EEF2: variants seen among roughly 807,000 people sequenced by gnomAD.
EEF2 encodes elongation factor 2.
Under a neutral mutation model 85.3 loss-of-function variants are expected in EEF2, and 21 were observed. The observed-to-expected ratio is 0.25, with a 90% confidence interval of 0.17 to 0.35. EEF2 has a LOEUF of 0.35. Ranked by LOEUF, EEF2 falls within the 10% of genes least tolerant of loss-of-function variation. The probability of loss-of-function intolerance (pLI) is 1.00; values close to 1 mark genes in which losing one functional copy is unlikely to be tolerated. For missense variants in EEF2, 825 were observed against 1,225.3 expected, an observed-to-expected ratio of 0.67 and a Z score of 4.88; for synonymous variants, 723 against 508.8, an observed-to-expected ratio of 1.42 and a Z score of -5.67.
rs36527 is a variant in EEF2, at chr19:3,977,488, A to G, written c.2190T>C (p.Tyr730=). ...QIIPTARRCL[Y]ASVLTAQPRL... is the part of the protein sequence containing the mutation. ...GTGGCTGGGCGGTCAGCACACTGGC[A>G]TAGAGGCAGCGCCGTGCTGTGGGGA... The change falls in exon 13 of 15, where the codon TAT becomes TAC. Residue 730 remains tyrosine (Y), a synonymous_variant. Transcript: ENST00000309311. This position sits in a 1 kb window ranked among gnomAD's most constrained non-coding sequence, Gnocchi z 5.4. 1,302,662 of 1,586,364 alleles carry G rather than the reference A, an allele frequency of 0.82. 536,821 individuals carry two copies. Among genetic ancestry groups the G allele is most frequent in the East Asian group, 0.99 (43,874 of 44,400 alleles).
Position 3,983,270 on chromosome 19 carries a change from C to T in EEF2, c.240G>A (p.Glu80=), listed in dbSNP as rs1222470743. 3 of 1,613,596 alleles carry T rather than the reference C, an allele frequency of 1.9e-6. No individual in the cohort carries two copies. The highest frequency in any genetic ancestry group is 2.5e-6 in the Non-Finnish European group (3 of 1,179,870). The change falls in exon 3 of 15, where the codon GAG becomes GAA. Residue 80 remains glutamate, a synonymous_variant. Transcript: ENST00000309311. ...TGAAGTTCAAGTCATTCTCCGAGAG[C>T]TCGTAGAAGAGGGAGATGGCACTGA... is the stretch of plus-strand genomic sequence containing the variant. ...IKSTAISLFY[E]LSENDLNFIK...
chr19:3,980,168 T>C (rs975462602), intron 9 of EEF2, 102 bp from the exon 10 acceptor site: 2 of 1,486,988 alleles, frequency 1.3e-6, no homozygotes, highest in African/African-American at 2.8e-5. Context: ...TCCTGCCAGG[T>C]CCCAGGGCAG....
At chr19:3,982,476 G>A (rs751768979) in intron 4 of EEF2, 52 bp from the exon 5 acceptor site, 11 of 1,610,620 alleles carry the variant, frequency 6.8e-6, no homozygotes, top group Admixed American at 6.7e-5. Flanking sequence ...CGCAGAGCCT[G>A]AAGCTACGGG....
chr19:3,979,767 C>A (rs200736051), intron 10 of EEF2, 41 bp downstream of exon 10: 5 of 1,596,244 alleles, frequency 3.1e-6, no homozygotes, highest in East Asian at 2.2e-5. Context: ...AGCCGTCCCC[C>A]CTCAGGGTGT....
At chr19:3,983,406 C>T (rs997373538) in intron 2 of EEF2, 115 bp from the exon 3 acceptor site, 15 of 1,180,892 alleles carry the variant, frequency 1.3e-5, no homozygotes, top group Admixed American at 2.5e-5. Flanking sequence ...CCTGGAGAGG[C>T]TCCCACAAGA....
intron 1 of EEF2, chr19:3,984,662 G>A (rs909758398): frequency 2.6e-5 from 9 of 343,374 alleles, no homozygotes; most frequent in Admixed American, 8.8e-5. Context: ...GGCCAAACAC[G>A]TAAGGGATGA....
In EEF2 at chr19:3,977,086, G is replaced by A. The variant is rs2039687837; in HGVS notation, c.2383+129C>T. 3 of 1,368,338 alleles carry A rather than the reference G, an allele frequency of 2.2e-6. No homozygotes were observed. Among genetic ancestry groups the A allele is most frequent in the South Asian group, 1.4e-5 (1 of 71,228 alleles). The allele number at this position is 1,368,338 out of a possible 1,614,324, so 84.8% of individuals were successfully genotyped here. A position where few individuals can be genotyped will look rare whatever the true frequency, so the allele number is the denominator to read the frequency against. ...GGGGTCCACAAGCTGTCAGAAACTG[G>A]ACCACCTGCTCCATCCATCACCTGC... On this transcript the variant is annotated intron_variant, in intron 14 of 14. Coordinates refer to ENST00000309311, the MANE Select transcript of EEF2 (RefSeq NM_001961.4). The surrounding 1 kb of genome is among the most constrained non-coding windows in gnomAD (Gnocchi z 5.4).
At position 3,978,065 on chromosome 19, in the gene EEF2, C is replaced by G; in HGVS notation, c.1821G>C (p.Arg607=). 6.3e-7 allele frequency: 1 copy of G among 1,576,978 alleles called. No individual in the cohort carries two copies. The highest frequency in any genetic ancestry group is 8.6e-7 in the Non-Finnish European group (1 of 1,157,700). The change falls in exon 12 of 15, where the codon CGG becomes CGC. Residue 607 remains arginine (R), a synonymous_variant. Coordinates refer to ENST00000309311, the MANE Select transcript of EEF2 (RefSeq NM_001961.4). The part of the protein sequence containing the change: ...NKHNRLYMKA[R]PFPDGLAEDI... ...CCTCGGCCAGGCCGTCGGGGAAGGG[C>G]CGCGCCTTCATGTACAGCCGGTTGT...
Position 3,982,790 on chromosome 19 carries a change from G to A in EEF2, c.612+17C>T, listed in dbSNP as rs368179497. The A allele has an allele frequency of 4.2e-5, 67 of 1,602,250 alleles. No individual in the cohort carries two copies. The highest frequency in any genetic ancestry group is 5.7e-5 in the Non-Finnish European group (67 of 1,176,042). ...CCCGCTGCGGCAAGCCCACCACCCA[G>A]CTAGGGAGGGCCGTACCATGATGTT... On this transcript the variant is annotated intron_variant, in intron 4 of 14. Transcript: ENST00000309311.
At position 3,982,316 on chromosome 19, in the gene EEF2, C is replaced by G. The variant is rs1311053257; in HGVS notation, c.721G>C (p.Glu241Gln). The G allele has an allele frequency of 1.2e-6, 2 of 1,614,062 alleles. No individual in the cohort carries two copies. Among genetic ancestry groups the G allele is most frequent in the Non-Finnish European group, 1.7e-6 (2 of 1,180,040 alleles). ...MYVAKFAAKG[E>Q]GQLGPAERAK... is the part of the protein sequence containing the mutation. ...CGCTCGGCAGGCCCCAACTGGCCCT[C>G]CCCCTTGGCGGCGAACTTGGCCACA... The change falls in exon 5 of 15, where the codon GAG (glutamate) becomes CAG (glutamine). Residue 241 changes from glutamate (E) to glutamine (Q), a missense_variant. Transcript: ENST00000309311.
Position 3,983,174 on chromosome 19 carries a change from G to T in EEF2, c.336C>A (p.Ser112=). The T allele has an allele frequency of 6.2e-7, 1 of 1,614,118 alleles. No individual in the cohort carries two copies. The highest frequency in any genetic ancestry group is 8.5e-7 in the Non-Finnish European group (1 of 1,180,022). ...CTCGGAGGGCAGCAGTCACCTCCGA[G>T]GAGAAGTCGACATGCCCGGGGGAGT... is the stretch of plus-strand genomic sequence containing the variant. ...LIDSPGHVDF[S]SEVTAALRVT... is the part of the protein sequence containing the mutation. Residue 112 remains serine, a synonymous_variant, in exon 3 of 15, where the codon TCC becomes TCA. Coordinates refer to ENST00000309311, the MANE Select transcript of EEF2 (RefSeq NM_001961.4).
At chr19:3,984,473 C>G (rs1196862993) in intron 1 of EEF2, 123 bp from the exon 2 acceptor site, 1 of 1,036,538 alleles carries the variant, frequency 9.6e-7, no homozygotes, top group Non-Finnish European at 1.4e-6. Flanking sequence ...TGGGGTGCCC[C>G]AAGCCCACCG....
chr19:3,983,405 G>A (rs1401008499), intron 2 of EEF2, 114 bp from the exon 3 acceptor site: 5 of 1,178,126 alleles, frequency 4.2e-6, no homozygotes, highest in Non-Finnish European at 5.9e-6. Context: ...CCCTGGAGAG[G>A]CTCCCACAAG....
Position 3,977,039 on chromosome 19 carries a change from C to G in EEF2, c.2383+176G>C, listed in dbSNP as rs2039687424. 1.3e-5 allele frequency among the ~76,000 whole-genome samples: 2 copies of G among 152,234 alleles called. No homozygotes were observed. Among genetic ancestry groups the G allele is most frequent in the African/African-American group, 4.8e-5 (2 of 41,464 alleles). The stretch of plus-strand genomic sequence containing the variant: ...CACACTGGGGATAGGAGAGCCCCTC[C>G]CCTGGGAATTCAGTGATTTAGGGGG... On this transcript the variant is annotated intron_variant, in intron 14 of 14. Transcript: ENST00000309311. The surrounding 1 kb of genome is among the most constrained non-coding windows in gnomAD (Gnocchi z 5.4).
rs201326053 is a variant in EEF2, at chr19:3,978,050, G to A, written c.1836C>T (p.Gly612=). ...CGCCTTTATCGATGTCCTCGGCCAG[G>A]CCGTCGGGGAAGGGCCGCGCCTTCA... The part of the protein sequence containing the change: ...LYMKARPFPD[G]LAEDIDKGEV... The change falls in exon 12 of 15, where the codon GGC becomes GGT. Residue 612 remains glycine, a synonymous_variant. Transcript: ENST00000309311. The A allele has an allele frequency of 1.1e-4, 174 of 1,594,362 alleles. No individual in the cohort carries two copies. The highest frequency in any genetic ancestry group is 1.4e-4 in the Non-Finnish European group (166 of 1,167,316).
rs946697377 is a variant in EEF2, at chr19:3,983,265, G to C, written c.245C>G (p.Ser82Trp). Residue 82 changes from serine to tryptophan, a missense_variant, in exon 3 of 15, where the codon TCG becomes TGG. Transcript: ENST00000309311. ...CTTGATGAAGTTCAAGTCATTCTCC[G>C]AGAGCTCGTAGAAGAGGGAGATGGC... ...STAISLFYEL[S>W]ENDLNFIKQS... The C allele has an allele frequency of 2.5e-6, 4 of 1,613,652 alleles. No individual in the cohort carries two copies. Among genetic ancestry groups the C allele is most frequent in the East Asian group, 2.2e-5 (1 of 44,848 alleles).
Position 3,982,317 on chromosome 19 carries a change from C to T in EEF2, c.720G>A (p.Gly240=), listed in dbSNP as rs751917974. Residue 240 remains glycine, a synonymous_variant, in exon 5 of 15, where the codon GGG becomes GGA. Coordinates refer to ENST00000309311, the MANE Select transcript of EEF2 (RefSeq NM_001961.4). ...GCTCGGCAGGCCCCAACTGGCCCTC[C>T]CCCTTGGCGGCGAACTTGGCCACAT... The part of the protein sequence containing the change: ...EMYVAKFAAK[G]EGQLGPAERA... 31 of 1,614,054 alleles carry T rather than the reference C, an allele frequency of 1.9e-5. No homozygotes were observed. Among genetic ancestry groups the T allele is most frequent in the Middle Eastern group, 1.6e-4 (1 of 6,084 alleles).
At chr19:3,979,139 A>T (rs1279450792) in intron 11 of EEF2, among the ~76,000 whole-genome samples, 190 bp downstream of exon 11, 1 of 151,752 alleles carries the variant, frequency 6.6e-6, no homozygotes, top group East Asian at 2.0e-4. Flanking sequence ...CAAAAAAAAC[A>T]ACAACAACAA....
Position 3,980,893 on chromosome 19 carries a change from C to A in EEF2, c.1098G>T (p.Lys366Asn). Residue 366 changes from lysine to asparagine, a missense_variant, in exon 8 of 15, where the codon AAG (lysine) becomes AAT (asparagine). Coordinates refer to ENST00000309311, the MANE Select transcript of EEF2 (RefSeq NM_001961.4). Reference sequence around the variant, plus strand: ...CCTCGTACAGGAGCTCGCAGCGGTACTTCTGGGCCGTCACAGGGGAGGGCA... The same window carrying A: ...CCTCGTACAGGAGCTCGCAGCGGTAATTCTGGGCCGTCACAGGGGAGGGCA... ...IHLPSPVTAQ[K>N]YRCELLYEGP... 1 of 1,565,010 alleles carries A rather than the reference C, an allele frequency of 6.4e-7. No homozygotes were observed.
Sources: allele counts gnomAD v4.1 joint callset (sites outside exome capture counted in the v4.1 genomes callset), GRCh38; gene constraint gnomAD v4.1.1; non-coding constraint Gnocchi (gnomAD v3.1); transcripts MANE v1.5; gene names NCBI Gene and HGNC (gene_info 2026-07-23, HGNC 2026-07-21).